The following FAM3D variants were observed in gnomAD, a reference collection of about 807,000 sequenced individuals.
FAM3D encodes the protein FAM3 metabolism regulating signaling molecule D, also known as protein FAM3D.
A neutral mutation model predicts 29.8 loss-of-function variants in FAM3D; 26 were observed. The observed-to-expected ratio is 0.87, with a 90% CI of 0.64 to 1.21. The LOEUF (loss-of-function observed/expected upper bound fraction) is 1.21. FAM3D is among the 50% of genes most tolerant of loss of function. The pLI is 0.00. For synonymous variants in FAM3D, 115 were observed against 102.3 expected (o/e 1.12, Z -0.75); for missense variants, 253 against 290.9 (o/e 0.87, Z 0.95).
At chr3:58,650,482 C>T (rs896003630) in intron 3 of FAM3D, among the ~76,000 whole-genome samples, 2 of 152,056 alleles carry the variant, frequency 1.3e-5, no homozygotes, top group African/African-American at 2.4e-5. Flanking sequence ...GAGGAGCCAT[C>T]GTGCCTGCCT....
At chr3:58,661,520 C>A (rs1376249506) in intron 1 of FAM3D, among the ~76,000 whole-genome samples, 1 of 152,196 alleles carries the variant, frequency 6.6e-6, no homozygotes, top group Non-Finnish European at 1.5e-5. Flanking sequence ...ACCTGGCACC[C>A]AGGTCACCCT....
chr3:58,654,689 C>T (rs1327199722), intron 2 of FAM3D, among the ~76,000 whole-genome samples: 1 of 151,988 alleles, frequency 6.6e-6, no homozygotes, highest in Non-Finnish European at 1.5e-5. Flanking sequence ...TCCCTGTTGG[C>T]ATCTCCCCTG....
intron 4 of FAM3D, among the ~76,000 whole-genome samples, chr3:58,648,073 G>A (rs890170746): frequency 5.9e-5 from 9 of 152,214 alleles, no homozygotes; most frequent in Non-Finnish European, 1.3e-4. Flanking sequence ...GGTGATGTCT[G>A]CCATGGGAAC....
Position 58,645,584 on chromosome 3 carries a change from G to A in FAM3D, c.188C>T (p.Ala63Val), listed in dbSNP as rs140725039. 6.2e-7 allele frequency: 1 copy of A among 1,614,230 alleles called. No individual in the cohort carries two copies. The highest frequency in any genetic ancestry group is 2.2e-5 in the East Asian group (1 of 44,888). Residue 63 changes from alanine (A) to valine (V), a missense_variant, in exon 5 of 10, where the codon GCC becomes GTC. Transcript: ENST00000358781. The part of the protein sequence containing the change: ...YKCGLIKPCP[A>V]NYFAFKICSG... ...GCAGATTTTAAACGCAAAGTAGTTGGCTGGGCAGGGCTTGATGAGGCCACA... is the reference window on the plus strand; with the variant it reads ...GCAGATTTTAAACGCAAAGTAGTTGACTGGGCAGGGCTTGATGAGGCCACA...
At chr3:58,636,452 C>A (rs199927752) in intron 8 of FAM3D, 32 bp from the exon 9 acceptor site, 1 of 1,611,016 alleles carries the variant, frequency 6.2e-7, no homozygotes, top group African/African-American at 1.3e-5. Flanking sequence ...GGTCAGGATG[C>A]GGGGGTGGGT....
chr3:58,645,362 G>A, intron 5 of FAM3D, 147 bp downstream of exon 5: 1 of 540,726 alleles, frequency 1.8e-6, no homozygotes, highest in Non-Finnish European at 3.2e-6. Context: ...TTCAATTATT[G>A]TTATTTGTGC....
At chr3:58,645,449 G>T (rs2066447668) in intron 5 of FAM3D, 60 bp downstream of exon 5, 3 of 1,271,440 alleles carry the variant, frequency 2.4e-6, no homozygotes, top group Non-Finnish European at 3.1e-6. Context: ...GTTTTTTAAT[G>T]AATGAATGAA....
chr3:58,649,281 G>C (rs199650049), intron 4 of FAM3D, 34 bp downstream of exon 4: 14 of 1,609,982 alleles, frequency 8.7e-6, no homozygotes, highest in African/African-American at 1.3e-5. Context: ...AGTGGATGAG[G>C]TCGGGGGAGG....
chr3:58,639,375 G>A (rs1230273179), intron 7 of FAM3D, among the ~76,000 whole-genome samples: 1 of 152,196 alleles, frequency 6.6e-6, no homozygotes, highest in Non-Finnish European at 1.5e-5. Context: ...TGAGGCTCAA[G>A]AGGCATCACT....
intron 3 of FAM3D, among the ~76,000 whole-genome samples, chr3:58,650,212 A>ACC (rs71791594): frequency 6.6e-6 from 1 of 151,096 alleles, no homozygotes; most frequent in African/African-American, 2.4e-5. Context: ...TTTTGGGGGA[A>ACC]CCCCCCCCAA....
At chr3:58,636,468 G>A (rs1208536470) in intron 8 of FAM3D, 48 bp from the exon 9 acceptor site, 1 of 1,603,936 alleles carries the variant, frequency 6.2e-7, no homozygotes, top group African/African-American at 1.3e-5. Context: ...TGGGTCGCAG[G>A]GGCATCAGGT....
intron 1 of FAM3D, among the ~76,000 whole-genome samples, chr3:58,660,276 G>A (rs1489052639): frequency 2.0e-5 from 3 of 152,176 alleles, no homozygotes; most frequent in African/African-American, 7.2e-5. Flanking sequence ...CATGGGTCCT[G>A]CCCTGAAGCA....
At chr3:58,649,105 G>C (rs1427670719) in intron 4 of FAM3D, among the ~76,000 whole-genome samples, 2 of 146,164 alleles carry the variant, frequency 1.4e-5, no homozygotes, top group Admixed American at 6.8e-5. Flanking sequence ...ATGACTGAGA[G>C]GGGGGCCACC....
At chr3:58,649,742 C>T (rs1246630790) in intron 3 of FAM3D, among the ~76,000 whole-genome samples, 2 of 148,230 alleles carry the variant, frequency 1.3e-5, no homozygotes, top group African/African-American at 2.4e-5. Context: ...CACGACTCTC[C>T]CTTGGTTCAA....
At chr3:58,640,787 C>A (rs2066305611) in intron 6 of FAM3D, among the ~76,000 whole-genome samples, 1 of 152,180 alleles carries the variant, frequency 6.6e-6, no homozygotes, top group Admixed American at 6.5e-5. Context: ...CGTTACAGTT[C>A]GCGCTCTCCG....
rs1559492814 is a variant in FAM3D at position 58,634,660 on chromosome 3, A to C, written c.586-292T>G. Among the ~76,000 whole-genome samples the C allele has an allele frequency of 6.6e-6, 1 of 152,106 alleles. No individual in the cohort carries two copies. Among genetic ancestry groups the C allele is most frequent in the Non-Finnish European group, 1.5e-5 (1 of 68,010 alleles). ...CTCTAGGATACCTCAAATAACAATAATGATAGCAACAATAAAAAGAAGACT... is the reference window on the plus strand; with the variant it reads ...CTCTAGGATACCTCAAATAACAATACTGATAGCAACAATAAAAAGAAGACT... On this transcript the variant is annotated intron_variant, in intron 9 of 9. Coordinates refer to ENST00000358781, the MANE Select transcript of FAM3D (RefSeq NM_138805.3). This position sits in a 1 kb window ranked among gnomAD's most constrained non-coding sequence, Gnocchi z 4.6.
chr3:58,650,283 T>G (rs2066598481), intron 3 of FAM3D, among the ~76,000 whole-genome samples: 2 of 152,198 alleles, frequency 1.3e-5, no homozygotes, highest in African/African-American at 4.8e-5. Flanking sequence ...CCCTACCCCT[T>G]GCCTCCAAGG....
At chr3:58,647,643 A>C (rs538586863) in intron 4 of FAM3D, among the ~76,000 whole-genome samples, 26 of 152,320 alleles carry the variant, frequency 1.7e-4, no homozygotes, top group African/African-American at 6.3e-4. Context: ...CAGCCTTCAC[A>C]GTCACGCTGC....
chr3:58,664,812 G>A (rs2066999204), intron 1 of FAM3D, among the ~76,000 whole-genome samples: 3 of 152,230 alleles, frequency 2.0e-5, no homozygotes, highest in African/African-American at 7.2e-5. Context: ...TGTAGGAAAT[G>A]TCTGCTCCGC....
Sources: allele counts gnomAD v4.1 joint callset (sites outside exome capture counted in the v4.1 genomes callset), GRCh38; gene constraint gnomAD v4.1.1; non-coding constraint Gnocchi (gnomAD v3.1); transcripts MANE v1.5; gene names NCBI Gene and HGNC (gene_info 2026-07-23, HGNC 2026-07-21).